The following TMEM266 variants were observed in gnomAD, a reference collection of about 807,000 sequenced individuals.
TMEM266 encodes Hv1 related protein 1.
TMEM266 carries 33 observed loss-of-function variants against 50.5 expected under a neutral mutation model. That is an observed-to-expected ratio of 0.65 (90% CI 0.50 to 0.87). TMEM266 has a LOEUF of 0.87. TMEM266 is among the 40% of genes least tolerant of loss of function. The pLI is 0.00. For missense variants in TMEM266, 655 were observed against 695.1 expected (o/e 0.94, Z 0.65); for synonymous variants, 310 against 292.3 (o/e 1.06, Z -0.62).
intron 8 of TMEM266, among the ~76,000 whole-genome samples, chr15:76,177,066 A>G (rs985017892): frequency 9.2e-5 from 14 of 151,774 alleles, no homozygotes; most frequent in African/African-American, 2.9e-4. Context: ...TAGCCTCTCT[A>G]CAGAGCATGT....
At chr15:76,187,992 T>C (rs1286763151) in intron 8 of TMEM266, among the ~76,000 whole-genome samples, 2 of 152,198 alleles carry the variant, frequency 1.3e-5, no homozygotes, top group South Asian at 2.1e-4. Context: ...GTGCTGGAGC[T>C]CTCACTTGCT....
chr15:76,099,499 C>A (rs1266817920), intron 1 of TMEM266, among the ~76,000 whole-genome samples: 1 of 152,240 alleles, frequency 6.6e-6, no homozygotes, highest in African/African-American at 2.4e-5. Context: ...CTGGGAGCTG[C>A]AGACCGGAGC....
intron 1 of TMEM266, among the ~76,000 whole-genome samples, chr15:76,079,079 C>T (rs1418513738): frequency 1.3e-5 from 2 of 152,204 alleles, no homozygotes; most frequent in African/African-American, 4.8e-5. Flanking sequence ...AGGGGATGTG[C>T]ACGTGGCTCA....
At position 76,204,496 on chromosome 15, in the gene TMEM266, C is replaced by G. The variant is rs1412744594; in HGVS notation, c.*181C>G. The G allele has an allele frequency of 3.6e-6, 2 of 553,488 alleles. No individual in the cohort carries two copies. Among genetic ancestry groups the G allele is most frequent in the Non-Finnish European group, 6.4e-6 (2 of 314,958 alleles). The allele number at this position is 553,488 out of a possible 1,614,324, so 34.3% of individuals were successfully genotyped here. A position where few individuals can be genotyped will look rare whatever the true frequency, so the allele number is the denominator to read the frequency against. On this transcript the variant is annotated 3_prime_UTR_variant, in exon 11 of 11. Coordinates refer to ENST00000388942, the MANE Select transcript of TMEM266 (RefSeq NM_152335.3). ...GGCCACAAGCTTCAGACCTCAAAGC[C>G]CAGAGCTGGCGCCTCTTCTCGCCCT...
At chr15:76,107,186 T>A (rs576292224) in intron 1 of TMEM266, among the ~76,000 whole-genome samples, 1 of 152,274 alleles carries the variant, frequency 6.6e-6, no homozygotes, top group East Asian at 1.9e-4. Flanking sequence ...ATGTCCAGAG[T>A]ATTATTATTT....
intron 4 of TMEM266, among the ~76,000 whole-genome samples, chr15:76,158,874 C>G (rs371821987): frequency 7.9e-5 from 12 of 152,322 alleles, no homozygotes; most frequent in African/African-American, 1.9e-4. Context: ...CCTGGTTTTG[C>G]AGCCGTCTTC....
chr15:76,086,893 A>G lies in TMEM266; in HGVS notation c.-97+26877A>G, dbSNP rs112934956. On this transcript the variant is annotated intron_variant, in intron 1 of 10. Coordinates refer to ENST00000388942, the MANE Select transcript of TMEM266 (RefSeq NM_152335.3). ...AGGGGACCAATCAGAGGTACTTCCA[A>G]TTTTTCATCTGCCATGCAGAAAAAG... 3.4e-3 allele frequency among the ~76,000 whole-genome samples: 477 copies of G among 142,148 alleles called. 5 individuals carry two copies. The highest frequency in any genetic ancestry group is 0.012 in the African/African-American group (452 of 37,376). 93.3% of individuals were successfully genotyped at this position (142,148 alleles called of 152,430 possible). A position where few individuals can be genotyped will look rare whatever the true frequency, so the allele number is the denominator to read the frequency against.
chr15:76,166,132 A>C (rs2038092967), intron 5 of TMEM266, among the ~76,000 whole-genome samples: 1 of 152,022 alleles, frequency 6.6e-6, no homozygotes, highest in Admixed American at 6.5e-5. Context: ...GGAGGTGTTA[A>C]GACTATACTC....
chr15:76,096,932 ATT>A (rs61532742), intron 1 of TMEM266, among the ~76,000 whole-genome samples: 41 of 125,836 alleles, frequency 3.3e-4, no homozygotes, highest in Admixed American at 5.8e-4. Flanking sequence ...GCAACTCCTG[ATT>A]TTTTTTTTTT....
intron 1 of TMEM266, among the ~76,000 whole-genome samples, chr15:76,107,988 C>T (rs896312632): frequency 2.6e-5 from 4 of 152,214 alleles, no homozygotes; most frequent in African/African-American, 9.7e-5. Flanking sequence ...TGCCATACAT[C>T]GTCCTTTTTC....
chr15:76,166,890 G>A (rs74024096), intron 5 of TMEM266, among the ~76,000 whole-genome samples: 6,858 of 152,220 alleles, frequency 0.045, 340 homozygotes, highest in African/African-American at 0.12. Flanking sequence ...CAGTGTGAAT[G>A]TACTTAACAC....
In TMEM266 at chr15:76,192,144, G is replaced by A; in HGVS notation, c.945G>A (p.Leu315=). Residue 315 remains leucine (L), a synonymous_variant, in exon 9 of 11, where the codon CTG becomes CTA. Transcript: ENST00000388942. ...CGGCCGAGAGCGTCGTGGAGGAGCTGCAGCCCTCGCAAGGTAAGCCCGGGT... is the reference window on the plus strand; with the variant it reads ...CGGCCGAGAGCGTCGTGGAGGAGCTACAGCCCTCGCAAGGTAAGCCCGGGT... The A allele has an allele frequency of 7.8e-6, 11 of 1,402,534 alleles. No individual in the cohort carries two copies. Among genetic ancestry groups the A allele is most frequent in the Non-Finnish European group, 8.3e-6 (9 of 1,081,352 alleles). The allele number at this position is 1,402,534 out of a possible 1,614,324, so 86.9% of individuals were successfully genotyped here. A position where few individuals can be genotyped will look rare whatever the true frequency, so the allele number is the denominator to read the frequency against.
chr15:76,164,041 C>T (rs1159191482), intron 5 of TMEM266, among the ~76,000 whole-genome samples: 3 of 152,204 alleles, frequency 2.0e-5, no homozygotes, highest in Non-Finnish European at 4.4e-5. Flanking sequence ...GCAGTCACTC[C>T]CCCTGCCCCC....
intron 1 of TMEM266, among the ~76,000 whole-genome samples, chr15:76,128,388 G>T (rs962450076): frequency 6.6e-6 from 1 of 152,132 alleles, no homozygotes; most frequent in Non-Finnish European, 1.5e-5. Context: ...GGCAGATCTC[G>T]CTGGAACACA....
chr15:76,096,960 T>G (rs2036930223), intron 1 of TMEM266, among the ~76,000 whole-genome samples: 1 of 151,640 alleles, frequency 6.6e-6, no homozygotes, highest in Non-Finnish European at 1.5e-5. Flanking sequence ...GCTTTCCATT[T>G]TCCTGGTAAA....
At chr15:76,084,069 T>C (rs1472533074) in intron 1 of TMEM266, among the ~76,000 whole-genome samples, 2 of 152,110 alleles carry the variant, frequency 1.3e-5, no homozygotes, top group Non-Finnish European at 2.9e-5. Context: ...ACCAAAGTGT[T>C]GGGTTGTCTG....
At position 76,130,061 on chromosome 15, in the gene TMEM266, A is replaced by G. The variant is rs112623617; in HGVS notation, c.-96-4107A>G. On this transcript the variant is annotated intron_variant, in intron 1 of 10. Coordinates refer to ENST00000388942, the MANE Select transcript of TMEM266 (RefSeq NM_152335.3). ...CAACATACTGAGACCTCCTCTCTAC[A>G]AAAAATACAAAAGGTAGCCGGGTGT... 6.7e-3 allele frequency among the ~76,000 whole-genome samples: 1,004 copies of G among 149,690 alleles called. 9 individuals are homozygous for G. Among genetic ancestry groups the G allele is most frequent in the African/African-American group, 0.024 (967 of 40,654 alleles).
intron 9 of TMEM266, among the ~76,000 whole-genome samples, chr15:76,199,772 C>CCCTCCCTT (rs1466056756): frequency 7.0e-6 from 1 of 142,284 alleles, no homozygotes; most frequent in Non-Finnish European, 1.5e-5. Context: ...GTCCCTCCCT[C>CCCTCCCTT]CCATTCTGGT....
intron 1 of TMEM266, among the ~76,000 whole-genome samples, chr15:76,089,093 CAA>C (rs1213055800): frequency 1.5e-4 from 7 of 45,220 alleles, no homozygotes; most frequent in African/African-American, 3.9e-4. Flanking sequence ...GACTCTGTCT[CAA>C]AAAAAAAAAA....
Sources: gnomAD v4.1 joint callset for allele counts (sites outside exome capture counted in the v4.1 genomes callset) on GRCh38, gnomAD v4.1.1 for gene constraint, MANE v1.5 for transcripts, NCBI Gene and HGNC (gene_info 2026-07-23, HGNC 2026-07-21) for gene names.